Variants in DIP2A observed in about 807,000 individuals in gnomAD.
DIP2A encodes the protein DIP2 acetate--CoA ligase A, also known as disco-interacting protein 2 homolog A.
Under a neutral mutation model 177.4 loss-of-function variants are expected in DIP2A, and 85 were observed. The ratio of observed to expected loss-of-function variants is 0.48; its 90% CI spans 0.40 to 0.57. The LOEUF is 0.57. Ranked by LOEUF, DIP2A falls within the 20% of genes least tolerant of loss-of-function variation. The probability of loss-of-function intolerance (pLI) is 0.00; values close to 1 mark genes in which losing one functional copy is unlikely to be tolerated. For missense variants in DIP2A, 1,791 were observed against 2,100.2 expected (o/e 0.85, Z 2.88); for synonymous variants, 886 against 881.8 (o/e 1.00, Z -0.08).
At position 46,503,603 on chromosome 21, in the gene DIP2A, CCTTCCTTCCTTTCTTT is replaced by C. The variant is rs1270825114; in HGVS notation, c.656-754_656-739del. On this transcript the variant is annotated intron_variant, in intron 5 of 37. Coordinates refer to ENST00000417564, the MANE Select transcript of DIP2A (RefSeq NM_015151.4). ...TCCTTCCTTCCTTCCTTCCTTCCTT[CCTTCCTTCCTTTCTTT>C]CTTTCTTTCTTTCTTTCCTTTCTTT... Among the ~76,000 whole-genome samples the C allele has an allele frequency of 4.9e-3, 545 of 111,992 alleles. 1 individual carries two copies. The highest frequency in any genetic ancestry group is 0.018 in the African/African-American group (461 of 25,236). 73.5% of individuals were successfully genotyped at this position (111,992 alleles called of 152,430 possible). A position where few individuals can be genotyped will look rare whatever the true frequency, so the allele number is the denominator to read the frequency against.
At chr21:46,480,905 T>C (rs1365625650) in intron 1 of DIP2A, among the ~76,000 whole-genome samples, 1 of 152,194 alleles carries the variant, frequency 6.6e-6, no homozygotes, top group Non-Finnish European at 1.5e-5. Flanking sequence ...TGGTCCATTG[T>C]GGAGTCACCC....
In DIP2A at chr21:46,539,932, G is replaced by A; in HGVS notation, c.1977G>A (p.Arg659=). Residue 659 remains arginine, a synonymous_variant, in exon 17 of 38, where the codon AGG becomes AGA. Coordinates refer to ENST00000417564, the MANE Select transcript of DIP2A (RefSeq NM_015151.4). ...FLNVFQSRGL[R]PEVICPCASS... Reference sequence around the variant, plus strand: ...ACGTCTTCCAGTCCAGAGGTCTGAGGCCAGAGGTCATCTGTCCTTGTGCAA... The same window carrying A: ...ACGTCTTCCAGTCCAGAGGTCTGAGACCAGAGGTCATCTGTCCTTGTGCAA... 1 of 1,614,052 alleles carries A rather than the reference G, an allele frequency of 6.2e-7. No individual in the cohort carries two copies. Among genetic ancestry groups the A allele is most frequent in the Non-Finnish European group, 8.5e-7 (1 of 1,179,892 alleles).
intron 18 of DIP2A, among the ~76,000 whole-genome samples, chr21:46,542,455 TTAGA>T (rs1443203343): frequency 1.3e-5 from 2 of 152,250 alleles, no homozygotes; most frequent in African/African-American, 4.8e-5. Context: ...CAAGCATGTG[TTAGA>T]TAGAAGCCTC....
intron 2 of DIP2A, among the ~76,000 whole-genome samples, chr21:46,485,709 A>G (rs1036596156): frequency 1.3e-5 from 2 of 151,572 alleles, no homozygotes; most frequent in African/African-American, 4.9e-5. Context: ...CTTTTTTTCA[A>G]ACGTCATCAT....
At chr21:46,550,192 C>A in intron 22 of DIP2A, 1 of 769,968 alleles carries the variant, frequency 1.3e-6, no homozygotes, top group Non-Finnish European at 2.0e-6. Context: ...TTATTATATT[C>A]ACCAGTCTGT....
rs779064507 is a variant in DIP2A, at chr21:46,498,853, G to A, written c.655+20G>A. On this transcript the variant is annotated intron_variant, in intron 5 of 37. Transcript: ENST00000417564. This position sits in a 1 kb window ranked among gnomAD's most constrained non-coding sequence, Gnocchi z 4.3. ...ACATAGGTCAGTAATAAGCTGCTGCGGCCCCTGTGCCAGCAGAGCGGGGTC... is the reference window on the plus strand; with the variant it reads ...ACATAGGTCAGTAATAAGCTGCTGCAGCCCCTGTGCCAGCAGAGCGGGGTC... 2.3e-5 allele frequency: 36 copies of A among 1,597,572 alleles called. No individual in the cohort carries two copies. Among genetic ancestry groups the A allele is most frequent in the South Asian group, 1.9e-4 (17 of 89,154 alleles).
In DIP2A at chr21:46,509,309, C is replaced by G. The variant is rs764648249; in HGVS notation, c.837C>G (p.Thr279=). Residue 279 remains threonine, a synonymous_variant, in exon 7 of 38, where the codon ACC becomes ACG. Transcript: ENST00000417564. ...CCAAAATCCAGCAGCTTCTGAACAC[C>G]CTGAAGAGGCCAAAGCGCCCTCCAC... ...VSSKIQQLLN[T]LKRPKRPPLK... 6.2e-7 allele frequency: 1 copy of G among 1,613,630 alleles called. No individual in the cohort carries two copies. The highest frequency in any genetic ancestry group is 1.7e-5 in the Admixed American group (1 of 59,972).
chr21:46,561,580 G>A, intron 33 of DIP2A, 168 bp from the exon 34 acceptor site: 2 of 887,430 alleles, frequency 2.3e-6, no homozygotes, highest in Non-Finnish European at 3.7e-6. Context: ...ACCGCAGCGT[G>A]GTTGGGGTGT....
chr21:46,531,137 TC>T (rs1424774893), intron 9 of DIP2A, among the ~76,000 whole-genome samples: 3 of 151,890 alleles, frequency 2.0e-5, no homozygotes, highest in Non-Finnish European at 4.4e-5. Context: ...CTGGCAGCAG[TC>T]CAGGGGGGGC....
downstream of DIP2A, among the ~76,000 whole-genome samples, chr21:46,574,745 C>G (rs1334707527): frequency 6.6e-6 from 1 of 152,034 alleles, no homozygotes; most frequent in Non-Finnish European, 1.5e-5. Flanking sequence ...CAAGACTAAT[C>G]ATGAAGAAAT....
intron 8 of DIP2A, among the ~76,000 whole-genome samples, chr21:46,516,199 T>C (rs375104820): frequency 6.6e-4 from 101 of 152,288 alleles, no homozygotes; most frequent in Middle Eastern, 3.4e-3. Flanking sequence ...GAAAATTTCC[T>C]GTGATGTTCT....
chr21:46,561,988 G>A (rs1037104144), intron 34 of DIP2A, 183 bp downstream of exon 34: 1 of 919,252 alleles, frequency 1.1e-6, no homozygotes, highest in African/African-American at 1.8e-5. Flanking sequence ...GAATTACTTA[G>A]TTATGTTTTT....
At chr21:46,578,360 G>A in the DIP2A span, among the ~76,000 whole-genome samples, 2 of 152,178 alleles carry the variant, frequency 1.3e-5, no homozygotes, top group African/African-American at 4.8e-5. Flanking sequence ...CTTTTGGGCT[G>A]AGACAATGGG....
chr21:46,532,104 T>C (rs1198438376), intron 9 of DIP2A, 23 bp from the exon 10 acceptor site: 1 of 1,595,162 alleles, frequency 6.3e-7, no homozygotes, highest in African/African-American at 1.4e-5. Context: ...ATTTGGAATA[T>C]TCATTTCTTT....
At chr21:46,554,786 G>GCCCCCCCCCCCCCCCCC in intron 27 of DIP2A, 36 bp from the exon 28 acceptor site, 2 of 1,519,128 alleles carry the variant, frequency 1.3e-6, no homozygotes, top group South Asian at 1.2e-5. Context: ...AGCTTGAGAG[G>GCCCCCCCCCCCCCCCCC]CCCCGCCCAC....
intron 6 of DIP2A, among the ~76,000 whole-genome samples, chr21:46,508,982 G>A (rs1473075852): frequency 1.3e-5 from 2 of 152,042 alleles, no homozygotes; most frequent in Non-Finnish European, 2.9e-5. Flanking sequence ...TCATGCCACT[G>A]CACTCTAGCC....
intron 12 of DIP2A, 97 bp downstream of exon 12, chr21:46,534,210 A>G: frequency 9.9e-7 from 1 of 1,005,740 alleles, no homozygotes; most frequent in Non-Finnish European, 1.5e-6. Context: ...TTTTTTGTTA[A>G]GTTTCGGCCT....
chr21:46,544,772 G>A (rs895571613), intron 18 of DIP2A, among the ~76,000 whole-genome samples: 1 of 152,118 alleles, frequency 6.6e-6, no homozygotes, highest in Non-Finnish European at 1.5e-5. Context: ...CGTGTGTGGT[G>A]GTGATGGTCA....
intron 7 of DIP2A, among the ~76,000 whole-genome samples, chr21:46,510,969 CATAGTG>C (rs1448643382): frequency 2.0e-5 from 3 of 152,148 alleles, no homozygotes; most frequent in Non-Finnish European, 4.4e-5. Flanking sequence ...TTTCTTTGAA[CATAGTG>C]ATAGTTGTTT....
Sources: allele counts gnomAD v4.1 joint callset (sites outside exome capture counted in the v4.1 genomes callset), GRCh38; gene constraint gnomAD v4.1.1; non-coding constraint Gnocchi (gnomAD v3.1); transcripts MANE v1.5; gene names NCBI Gene and HGNC (gene_info 2026-07-23, HGNC 2026-07-21).